DPP6: variants seen among roughly 807,000 people sequenced by gnomAD.
The protein encoded by DPP6 is A-type potassium channel modulatory protein DPP6.
In DPP6, 69 loss-of-function variants were observed where a neutral mutation model predicts 122.6. The ratio of observed to expected loss-of-function variants is 0.56; its 90% CI spans 0.46 to 0.69. The LOEUF is 0.69. DPP6 is among the 30% of genes least tolerant of loss of function. DPP6 has a pLI of 0.00. For missense variants in DPP6, 928 were observed against 1,116.9 expected, an observed-to-expected ratio of 0.83 and a Z score of 2.41; for synonymous variants, 418 against 433.1, an observed-to-expected ratio of 0.97 and a Z score of 0.43.
intron 1 of DPP6, among the ~76,000 whole-genome samples, chr7:154,344,466 G>A (rs1810217787): frequency 2.6e-5 from 4 of 152,164 alleles, no homozygotes; most frequent in Non-Finnish European, 5.9e-5. Flanking sequence ...CGCTGTTGGT[G>A]GGAAGGTAAA....
intron 1 of DPP6, among the ~76,000 whole-genome samples, chr7:154,419,346 A>C (rs1259499435): frequency 6.6e-6 from 1 of 152,210 alleles, no homozygotes; most frequent in Non-Finnish European, 1.5e-5. Context: ...TTATTTACAG[A>C]TAGTCATCCT....
At chr7:154,406,559 G>T (rs2151197289) in intron 1 of DPP6, among the ~76,000 whole-genome samples, 1 of 152,132 alleles carries the variant, frequency 6.6e-6, no homozygotes, top group South Asian at 2.1e-4. Context: ...ACACACGTGG[G>T]TTTGCATGCT....
At position 154,052,740 on chromosome 7, in the gene DPP6, G is replaced by C. The variant is rs1800453805; in HGVS notation, c.-81G>C. ...ACCGCCTTTTTTTTTTTTTAATCTG[G>C]AGCGGGGTGGGGAGTGGGAACCGGA... On this transcript the variant is annotated 5_prime_UTR_variant, in exon 1 of 26. Coordinates refer to ENST00000377770, the MANE Select transcript of DPP6 (RefSeq NM_130797.4). The surrounding 1 kb of genome is among the most constrained non-coding windows in gnomAD (Gnocchi z 4.8). 2 of 1,318,436 alleles carry C rather than the reference G, an allele frequency of 1.5e-6. No homozygotes were observed. Among genetic ancestry groups the C allele is most frequent in the Non-Finnish European group, 2.0e-6 (2 of 1,014,292 alleles). The allele number at this position is 1,318,436 out of a possible 1,614,324, so 81.7% of individuals were successfully genotyped here.
chr7:154,608,320 C>CATACATATATATATATATATATATATAT (rs1833688306), intron 5 of DPP6, among the ~76,000 whole-genome samples: 3 of 90,016 alleles, frequency 3.3e-5, no homozygotes, highest in South Asian at 5.3e-4. Context: ...TAGGAGTGAT[C>CATACATATATATATATATATATATATAT]ATATATATAT....
chr7:154,807,044 T>A lies in DPP6; in HGVS notation c.1598T>A (p.Val533Asp). Residue 533 changes from valine (V) to aspartate (D), a missense_variant, in exon 16 of 26, where the codon GTT (valine) becomes GAT (aspartate). Coordinates refer to ENST00000377770, the MANE Select transcript of DPP6 (RefSeq NM_130797.4). ...AGGCAGTGCCTCTCCTGTGACCTGG[T>A]TGAGAACTGCACCTACTTCAGCGCT... ...FNRQCLSCDL[V>D]ENCTYFSASF... 6.2e-7 allele frequency: 1 copy of A among 1,613,916 alleles called. No individual in the cohort carries two copies. Among genetic ancestry groups the A allele is most frequent in the Non-Finnish European group, 8.5e-7 (1 of 1,179,868 alleles).
intron 2 of DPP6, among the ~76,000 whole-genome samples, chr7:154,459,191 C>T (rs1000783794): frequency 1.4e-5 from 2 of 147,680 alleles, no homozygotes; most frequent in Admixed American, 1.3e-4. Flanking sequence ...TTGTATGTGA[C>T]AGATAATGAT....
chr7:154,297,297 G>A (rs1044347646), intron 1 of DPP6, among the ~76,000 whole-genome samples: 2 of 152,116 alleles, frequency 1.3e-5, no homozygotes, highest in African/African-American at 4.8e-5. Context: ...CACCTCTCCT[G>A]TTGTGGTACA....
intron 1 of DPP6, among the ~76,000 whole-genome samples, chr7:154,365,882 TG>T (rs1812130952): frequency 7.2e-6 from 1 of 139,630 alleles, no homozygotes; most frequent in African/African-American, 2.7e-5. Context: ...GGCGTGAACC[TG>T]GGAGGCGGAG....
chr7:154,431,707 G>C (rs984776348), intron 1 of DPP6, among the ~76,000 whole-genome samples: 2 of 151,626 alleles, frequency 1.3e-5, no homozygotes, highest in Non-Finnish European at 2.9e-5. Flanking sequence ...GCTAATTTTT[G>C]TATTTTTAGT....
At chr7:154,766,628 G>A (rs904501603) in intron 8 of DPP6, among the ~76,000 whole-genome samples, 1 of 152,214 alleles carries the variant, frequency 6.6e-6, no homozygotes, top group Non-Finnish European at 1.5e-5. Flanking sequence ...TTGGTAACCT[G>A]TAGTGATGGT....
At chr7:153,819,072 C>T in the DPP6 span, among the ~76,000 whole-genome samples, 196 of 63,586 alleles carry the variant, frequency 3.1e-3, no homozygotes, top group Middle Eastern at 0.022. Context: ...TTCCCCTTTT[C>T]TTTTCTTTTT....
intron 1 of DPP6, among the ~76,000 whole-genome samples, chr7:153,963,647 G>T (rs1325801479): frequency 2.0e-5 from 3 of 152,120 alleles, no homozygotes; most frequent in Non-Finnish European, 4.4e-5. Context: ...CAGATCAGAG[G>T]TGGCATTCGA....
chr7:154,441,188 C>T (rs1212618906), intron 1 of DPP6, among the ~76,000 whole-genome samples: 4 of 152,128 alleles, frequency 2.6e-5, no homozygotes, highest in African/African-American at 9.7e-5. Context: ...TTCTGATTTC[C>T]CCTCATTAAA....
At chr7:154,078,202 G>A (rs1204000077) in intron 1 of DPP6, among the ~76,000 whole-genome samples, 2 of 152,118 alleles carry the variant, frequency 1.3e-5, no homozygotes, top group South Asian at 4.1e-4. Context: ...AGGTAGTTGT[G>A]TTGTCATCTG....
At chr7:154,122,853 C>G (rs1243049534) in intron 1 of DPP6, among the ~76,000 whole-genome samples, 1 of 152,270 alleles carries the variant, frequency 6.6e-6, no homozygotes, top group Non-Finnish European at 1.5e-5. Flanking sequence ...CACTGTGCGC[C>G]CTTTGACCAT....
At chr7:154,784,290 G>A (rs1037023080) in intron 10 of DPP6, among the ~76,000 whole-genome samples, 1 of 152,118 alleles carries the variant, frequency 6.6e-6, no homozygotes, top group East Asian at 1.9e-4. Context: ...ACAAGAGTGA[G>A]CCAGACCTCG....
At chr7:154,291,250 G>A (rs1200460282) in intron 1 of DPP6, among the ~76,000 whole-genome samples, 1 of 152,184 alleles carries the variant, frequency 6.6e-6, no homozygotes, top group Non-Finnish European at 1.5e-5. Flanking sequence ...ACTTGGGCTT[G>A]AAATGGAGGC....
chr7:154,289,865 C>A (rs528385924), intron 1 of DPP6, among the ~76,000 whole-genome samples: 4 of 152,160 alleles, frequency 2.6e-5, no homozygotes, highest in Admixed American at 2.6e-4. Context: ...TTCCCTGAAT[C>A]CTGACCGAGT....
intron 16 of DPP6, among the ~76,000 whole-genome samples, chr7:154,809,158 G>A (rs1798879099): frequency 6.6e-6 from 1 of 152,126 alleles, no homozygotes; most frequent in African/African-American, 2.4e-5. Context: ...GTGATATGAA[G>A]GAGTGATATT....
Sources: allele counts gnomAD v4.1 joint callset (sites outside exome capture counted in the v4.1 genomes callset), GRCh38; gene constraint gnomAD v4.1.1; non-coding constraint Gnocchi (gnomAD v3.1); transcripts MANE v1.5; gene names NCBI Gene and HGNC (gene_info 2026-07-23, HGNC 2026-07-21).